The following PCDH7 variants were observed in gnomAD, a reference collection of about 807,000 sequenced individuals.
The protein encoded by PCDH7 is protocadherin-7.
Under a neutral mutation model 58.9 loss-of-function variants are expected in PCDH7, and 17 were observed. That is an observed-to-expected ratio of 0.29 (90% CI 0.20 to 0.43). PCDH7 has a LOEUF of 0.43. Ranked by LOEUF, PCDH7 falls within the 20% of genes least tolerant of loss-of-function variation. The pLI is 1.00. For synonymous variants in PCDH7, 664 were observed against 616.4 expected (o/e 1.08, Z -1.14); for missense variants, 1,274 against 1,441.0 (o/e 0.88, Z 1.88).
chr4:31,016,811 G>A (rs1264658976), intron 3 of PCDH7, among the ~76,000 whole-genome samples: 2 of 150,916 alleles, frequency 1.3e-5, no homozygotes, highest in Admixed American at 6.6e-5. Flanking sequence ...GTGTGTGCAT[G>A]TGTGTGTGCT....
chr4:31,016,373 G>A (rs566624327), intron 3 of PCDH7, among the ~76,000 whole-genome samples: 1 of 150,378 alleles, frequency 6.6e-6, no homozygotes, highest in Non-Finnish European at 1.5e-5. Context: ...AGCTTGCTAA[G>A]CAAGTAACTG....
chr4:30,903,938 T>C (rs1338861343), intron 1 of PCDH7, among the ~76,000 whole-genome samples: 4 of 152,168 alleles, frequency 2.6e-5, no homozygotes, highest in Non-Finnish European at 5.9e-5. Context: ...GCTAACATTT[T>C]TAAACACAAA....
At chr4:30,774,727 G>A (rs1364207925) in intron 1 of PCDH7, among the ~76,000 whole-genome samples, 1 of 152,194 alleles carries the variant, frequency 6.6e-6, no homozygotes, top group African/African-American at 2.4e-5. Flanking sequence ...ACAAGAAATA[G>A]AAGATTTCTG....
rs576210212 is a variant in PCDH7 at position 30,928,158 on chromosome 4, C to G, written c.287+7789C>G. ...AAGGCTGTTCTCAAACTCCTGGAAT[C>G]AGGGGATCCTTCCATCTTGGCCCTC... On this transcript the variant is annotated intron_variant, in intron 2 of 3. Transcript: ENST00000509759. 6.6e-5 allele frequency among the ~76,000 whole-genome samples: 10 copies of G among 152,160 alleles called. No individual in the cohort carries two copies. The South Asian group carries it at 1.7e-3, about 25-fold the overall frequency.
chr4:30,806,414 C>T (rs542771203), intron 1 of PCDH7, among the ~76,000 whole-genome samples: 1 of 152,010 alleles, frequency 6.6e-6, no homozygotes, highest in South Asian at 2.1e-4. Flanking sequence ...AAGCAGTTCT[C>T]CTGTCTCAGC....
intron 3 of PCDH7, among the ~76,000 whole-genome samples, chr4:30,956,227 CAAA>C (rs201836402): frequency 1.7e-5 from 2 of 117,360 alleles, no homozygotes; most frequent in Non-Finnish European, 3.6e-5. Context: ...GACTGCATCT[CAAA>C]AAAAAAAAAA....
chr4:30,982,627 T>G (rs543538005), intron 3 of PCDH7, among the ~76,000 whole-genome samples: 1 of 152,320 alleles, frequency 6.6e-6, no homozygotes, highest in African/African-American at 2.4e-5. Context: ...AAAACAACTC[T>G]TAACCCATTG....
chr4:30,905,545 T>C (rs1360586797), intron 1 of PCDH7, among the ~76,000 whole-genome samples: 1 of 152,196 alleles, frequency 6.6e-6, no homozygotes, highest in African/African-American at 2.4e-5. Context: ...ATCCACACTT[T>C]GCCCAACTGG....
At chr4:30,822,859 T>G (rs568278537) in intron 1 of PCDH7, among the ~76,000 whole-genome samples, 29 of 152,326 alleles carry the variant, frequency 1.9e-4, no homozygotes, top group South Asian at 1.4e-3. Flanking sequence ...AAATAGTGTG[T>G]AGAATTAATT....
At chr4:30,897,602 C>T (rs1322232277) in intron 1 of PCDH7, among the ~76,000 whole-genome samples, 1 of 151,922 alleles carries the variant, frequency 6.6e-6, no homozygotes, top group South Asian at 2.1e-4. Context: ...ACAAGTTTTT[C>T]GAAGAGGAAT....
rs1733005162 is a variant in PCDH7 at position 30,853,217 on chromosome 4, T to G, written c.71-66936T>G. Among the ~76,000 whole-genome samples, 3 of 152,260 alleles carry G rather than the reference T, an allele frequency of 2.0e-5. No individual in the cohort carries two copies. The South Asian group carries it at 6.2e-4, about 32-fold the overall frequency. On this transcript the variant is annotated intron_variant, in intron 1 of 3. Transcript: ENST00000509759. ...TGAATCCTGATCCATCCCTCTTAAC[T>G]GTGTGACCTTGTGGGAAACTAACTT...
intron 1 of PCDH7, among the ~76,000 whole-genome samples, chr4:30,792,474 C>T (rs554458308): frequency 3.3e-5 from 5 of 152,208 alleles, no homozygotes; most frequent in Admixed American, 6.5e-5. Flanking sequence ...GGGCTGGCTA[C>T]TCTATTTTTA....
At chr4:31,112,937 T>C (rs1205922336) in intron 3 of PCDH7, among the ~76,000 whole-genome samples, 2 of 152,196 alleles carry the variant, frequency 1.3e-5, no homozygotes, top group African/African-American at 4.8e-5. Flanking sequence ...ACTGCTATTC[T>C]GAACACTACA....
intron 2 of PCDH7, among the ~76,000 whole-genome samples, chr4:30,930,083 C>T (rs983627442): frequency 1.3e-5 from 2 of 152,020 alleles, no homozygotes; most frequent in Admixed American, 6.6e-5. Context: ...AAGGCGTGTA[C>T]AGATTTGATG....
intron 3 of PCDH7, among the ~76,000 whole-genome samples, chr4:30,967,551 T>G (rs932721686): frequency 2.0e-5 from 3 of 152,096 alleles, no homozygotes; most frequent in African/African-American, 7.2e-5. Flanking sequence ...TGAAGTGCGC[T>G]CTCAACAGTA....
At chr4:31,027,244 C>A (rs1754509012) in intron 3 of PCDH7, among the ~76,000 whole-genome samples, 1 of 152,098 alleles carries the variant, frequency 6.6e-6, no homozygotes. Context: ...GGAACCTCAT[C>A]ACAAATAGGC....
At chr4:31,044,544 G>A (rs1578644449) in intron 3 of PCDH7, among the ~76,000 whole-genome samples, 1 of 151,828 alleles carries the variant, frequency 6.6e-6, no homozygotes, top group African/African-American at 2.4e-5. Context: ...TATGCTAGGA[G>A]GCTAACAACT....
chr4:30,785,859 A>G (rs1723321753), intron 1 of PCDH7, among the ~76,000 whole-genome samples: 1 of 151,974 alleles, frequency 6.6e-6, no homozygotes. Context: ...TATGAAAGTG[A>G]TTTATTATTA....
intron 1 of PCDH7, among the ~76,000 whole-genome samples, chr4:30,807,852 A>G (rs1726439935): frequency 6.6e-6 from 1 of 152,222 alleles, no homozygotes; most frequent in Non-Finnish European, 1.5e-5. Flanking sequence ...TATTTCATAA[A>G]TTCTAAACTG....
Sources: allele counts gnomAD v4.1 joint callset (sites outside exome capture counted in the v4.1 genomes callset), GRCh38; gene constraint gnomAD v4.1.1; transcripts MANE v1.5; gene names NCBI Gene and HGNC (gene_info 2026-07-23, HGNC 2026-07-21).